IMMP1L: variants seen among roughly 807,000 people sequenced by gnomAD.
IMMP1L encodes mitochondrial inner membrane protease subunit 1.
A neutral mutation model predicts 21.8 loss-of-function variants in IMMP1L; 24 were observed. The ratio of observed to expected loss-of-function variants is 1.10; its 90% confidence interval spans 0.80 to 1.55. The LOEUF is 1.55. Among genes scored for constraint, IMMP1L ranks in the 40% most tolerant of loss-of-function variants. The pLI, the probability that IMMP1L is intolerant of heterozygous loss-of-function variation, is 0.00. For synonymous variants in IMMP1L, 46 were observed against 62.8 expected (o/e 0.73, Z 1.26); for missense variants, 195 against 200.7 (o/e 0.97, Z 0.17).
rs1954107243 is a variant in IMMP1L, at chr11:31,460,662, G to A, written c.158C>T (p.Ala53Val). 6.2e-7 allele frequency: 1 copy of A among 1,610,732 alleles called. No individual in the cohort carries two copies. Among genetic ancestry groups the A allele is most frequent in the Admixed American group, 1.7e-5 (1 of 59,950 alleles). ...ATAAAAATGTCGACTAAGATTTTCT[G>A]CAAAGACAATATCTGAATTTTGAAT... ...PTIQNSDIVF[A>V]ENLSRHFYGI... is the part of the protein sequence containing the mutation. Residue 53 changes from alanine (A) to valine (V), a missense_variant, in exon 3 of 6, where the codon GCA becomes GTA. By Grantham distance (64) the Ala-to-Val change is moderately conservative. Transcript: ENST00000532287.
At chr11:31,478,055 C>T (rs575701856) in intron 1 of IMMP1L, among the ~76,000 whole-genome samples, 3 of 152,250 alleles carry the variant, frequency 2.0e-5, no homozygotes, top group African/African-American at 7.2e-5. Context: ...CAAAACATGA[C>T]CTCAAAAACC....
At chr11:31,456,737 A>G (rs997287813) in intron 3 of IMMP1L, among the ~76,000 whole-genome samples, 3 of 151,754 alleles carry the variant, frequency 2.0e-5, no homozygotes, top group South Asian at 2.1e-4. Flanking sequence ...AATTCTACAT[A>G]GGCCGGGTAC....
chr11:31,435,359 A>G (rs752783010), intron 4 of IMMP1L, among the ~76,000 whole-genome samples: 1 of 152,116 alleles, frequency 6.6e-6, no homozygotes, highest in Non-Finnish European at 1.5e-5. Context: ...GGGGCCCTAC[A>G]TTATAACCTT....
chr11:31,441,175 A>G lies in IMMP1L; in HGVS notation c.322-7605T>C, dbSNP rs1953314462. Reference sequence around the variant, plus strand: ...ACTTAAAGTATACATATGTATATATACACAGAAATATATGTGTATGTGTGT... The same window carrying G: ...ACTTAAAGTATACATATGTATATATGCACAGAAATATATGTGTATGTGTGT... On this transcript the variant is annotated intron_variant, in intron 4 of 5. Transcript: ENST00000532287. Among the ~76,000 whole-genome samples the G allele has an allele frequency of 2.0e-5, 3 of 152,140 alleles. No homozygotes were observed. The South Asian group carries it at 6.2e-4, about 31-fold the overall frequency.
intron 4 of IMMP1L, among the ~76,000 whole-genome samples, chr11:31,436,295 T>G (rs1332095778): frequency 6.6e-6 from 1 of 152,210 alleles, no homozygotes; most frequent in African/African-American, 2.4e-5. Context: ...AAACCAAAAG[T>G]GGAACTCAGA....
At chr11:31,473,538 T>C (rs1406682028) in intron 1 of IMMP1L, among the ~76,000 whole-genome samples, 1 of 152,196 alleles carries the variant, frequency 6.6e-6, no homozygotes, top group Non-Finnish European at 1.5e-5. Context: ...AAAATAGGCA[T>C]CTGGGAATAG....
chr11:31,464,038 C>G (rs371401677), intron 1 of IMMP1L, among the ~76,000 whole-genome samples: 1 of 152,000 alleles, frequency 6.6e-6, no homozygotes, highest in Admixed American at 6.6e-5. Flanking sequence ...TTAACTGTTA[C>G]AACTATGTAT....
chr11:31,452,917 A>AT, intron 4 of IMMP1L: 2 of 618,246 alleles, frequency 3.2e-6, no homozygotes, highest in Non-Finnish European at 4.6e-6. Flanking sequence ...CGCCTGGCTA[A>AT]TTTTTTGCAT....
At chr11:31,462,008 CA>C (rs1954156643) in intron 2 of IMMP1L, among the ~76,000 whole-genome samples, 2 of 151,982 alleles carry the variant, frequency 1.3e-5, no homozygotes, top group Non-Finnish European at 2.9e-5. Flanking sequence ...ATCTAACTTA[CA>C]AAAAAATCAA....
intron 4 of IMMP1L, among the ~76,000 whole-genome samples, chr11:31,435,140 G>C (rs1396648007): frequency 2.0e-5 from 3 of 152,124 alleles, no homozygotes; most frequent in Non-Finnish European, 4.4e-5. Flanking sequence ...AAACCATGTA[G>C]TTATGGACAC....
chr11:31,483,483 C>T (rs1954968784), intron 1 of IMMP1L, among the ~76,000 whole-genome samples: 3 of 151,990 alleles, frequency 2.0e-5, no homozygotes. Context: ...AGTTAACTTC[C>T]TGGATGCTTA....
chr11:31,448,251 G>A (rs773555979), intron 4 of IMMP1L, among the ~76,000 whole-genome samples: 1 of 152,200 alleles, frequency 6.6e-6, no homozygotes, highest in Non-Finnish European at 1.5e-5. Context: ...AGAGGTTGCA[G>A]TGAGCCAAGA....
In IMMP1L at chr11:31,509,579, G is replaced by C. The variant is rs1001218049; in HGVS notation, c.-90C>G. 8.3e-6 allele frequency: 5 copies of C among 604,170 alleles called. No homozygotes were observed. The allele number at this position is 604,170 out of a possible 1,614,324, so 37.4% of individuals were successfully genotyped here. ...GGACACAGGTGGGCCTTTCTCACCT[G>C]GGCCCCGCCGAAGTCGACCGTCCTT... is the stretch of plus-strand genomic sequence containing the variant. On this transcript the variant is annotated 5_prime_UTR_variant, in exon 1 of 6. Transcript: ENST00000532287.
intron 1 of IMMP1L, among the ~76,000 whole-genome samples, chr11:31,484,489 T>C (rs977126726): frequency 2.6e-5 from 4 of 151,938 alleles, no homozygotes; most frequent in African/African-American, 9.7e-5. Context: ...CATTGTGTAG[T>C]TGTCATAGTT....
At chr11:31,437,176 G>C (rs112348339) in intron 4 of IMMP1L, 98 of 448,660 alleles carry the variant, frequency 2.2e-4, no homozygotes, top group African/African-American at 1.7e-3. Context: ...AAGTGTTTCA[G>C]GTTTCATATA....
At chr11:31,469,362 A>G (rs1234252702) in intron 1 of IMMP1L, among the ~76,000 whole-genome samples, 1 of 152,210 alleles carries the variant, frequency 6.6e-6, no homozygotes, top group Non-Finnish European at 1.5e-5. Context: ...CATTAAAAAA[A>G]ACAGAAGGAA....
intron 1 of IMMP1L, among the ~76,000 whole-genome samples, chr11:31,468,623 T>A (rs927950639): frequency 6.6e-6 from 1 of 152,184 alleles, no homozygotes; most frequent in Non-Finnish European, 1.5e-5. Flanking sequence ...TACCAGATAC[T>A]GTGTTCAGCC....
intron 1 of IMMP1L, among the ~76,000 whole-genome samples, chr11:31,505,540 T>C (rs1052837250): frequency 2.0e-5 from 3 of 152,202 alleles, no homozygotes; most frequent in Non-Finnish European, 4.4e-5. Flanking sequence ...ACCCCTATTA[T>C]AACACAGATA....
chr11:31,453,173 AC>A, intron 4 of IMMP1L: 1 of 1,094,786 alleles, frequency 9.1e-7, no homozygotes, highest in Non-Finnish European at 1.2e-6. Context: ...AAACAAACAA[AC>A]AAAAAAGAAC....
Sources: allele counts gnomAD v4.1 joint callset (sites outside exome capture counted in the v4.1 genomes callset), GRCh38; gene constraint gnomAD v4.1.1; transcripts MANE v1.5; gene names NCBI Gene and HGNC (gene_info 2026-07-23, HGNC 2026-07-21).